The following MAP2K6 variants were observed in gnomAD, a reference collection of about 807,000 sequenced individuals.
The protein encoded by MAP2K6 is mitogen-activated protein kinase kinase 6.
In MAP2K6, 16 loss-of-function variants were observed where a neutral mutation model predicts 53.7. The observed-to-expected ratio is 0.30, with a 90% CI of 0.20 to 0.45. The LOEUF (loss-of-function observed/expected upper bound fraction) is 0.45. Ranked by LOEUF, MAP2K6 falls within the 20% of genes least tolerant of loss-of-function variation. MAP2K6 has a pLI of 1.00. For missense variants in MAP2K6, 204 were observed against 411.9 expected, an observed-to-expected ratio of 0.50 and a Z score of 4.37; for synonymous variants, 132 against 143.1, an observed-to-expected ratio of 0.92 and a Z score of 0.55.
At position 69,543,749 on chromosome 17, in the gene MAP2K6, C is replaced by T. The variant is rs769275441; in HGVS notation, c.*1996C>T. ...GCAAATTGTCTCTCTGGTCTAGGTC[C>T]GATTACTCTTACCTGTTTTTCCACT... On this transcript the variant is annotated 3_prime_UTR_variant, in exon 12 of 12. Coordinates refer to ENST00000590474, the MANE Select transcript of MAP2K6 (RefSeq NM_002758.4). 1.7e-4 allele frequency: 26 copies of T among 152,256 alleles called. No individual in the cohort carries two copies. The highest frequency in any genetic ancestry group is 2.1e-4 in the South Asian group (1 of 4,818). 9.4% of individuals were successfully genotyped at this position (152,256 alleles called of 1,614,324 possible).
At chr17:69,532,209 G>A (rs187385878) in intron 10 of MAP2K6, among the ~76,000 whole-genome samples, 1 of 152,332 alleles carries the variant, frequency 6.6e-6, no homozygotes, top group Non-Finnish European at 1.5e-5. Context: ...AGGAAGGACA[G>A]TAAAAAGAGG....
At chr17:69,416,139 T>C (rs559943717) in intron 1 of MAP2K6, among the ~76,000 whole-genome samples, 1 of 152,336 alleles carries the variant, frequency 6.6e-6, no homozygotes, top group South Asian at 2.1e-4. Flanking sequence ...CGGGGCACTC[T>C]TTGAGTAAGA....
At chr17:69,474,238 A>G (rs1908067155) in intron 1 of MAP2K6, among the ~76,000 whole-genome samples, 1 of 152,196 alleles carries the variant, frequency 6.6e-6, no homozygotes, top group Non-Finnish European at 1.5e-5. Context: ...GGCATGTACA[A>G]AGTGCTGAGT....
rs186505849 is a variant in MAP2K6, at chr17:69,430,087, G to T, written c.16+15087G>T. 3.6e-3 allele frequency among the ~76,000 whole-genome samples: 554 copies of T among 152,332 alleles called. 2 individuals are homozygous for T. The highest frequency in any genetic ancestry group is 0.012 in the African/African-American group (513 of 41,576). ...CATGCCTGTAATCCCAGCACTTTGG[G>T]AGGCTGAGGTGGGTGAGTCACTTGA... On this transcript the variant is annotated intron_variant, in intron 1 of 11. Transcript: ENST00000590474.
chr17:69,538,090 G>A (rs1212967118), intron 11 of MAP2K6, among the ~76,000 whole-genome samples: 1 of 151,660 alleles, frequency 6.6e-6, no homozygotes, highest in East Asian at 1.9e-4. Context: ...GGCTGGTCTC[G>A]AAGTCGTGGG....
At chr17:69,500,065 A>C (rs1232801867) in intron 1 of MAP2K6, among the ~76,000 whole-genome samples, 2 of 152,204 alleles carry the variant, frequency 1.3e-5, no homozygotes, top group Admixed American at 1.3e-4. Flanking sequence ...TCCAGGTAGA[A>C]GGAACAGTAT....
intron 1 of MAP2K6, among the ~76,000 whole-genome samples, chr17:69,431,773 C>T (rs1906468711): frequency 6.6e-6 from 1 of 152,192 alleles, no homozygotes; most frequent in Non-Finnish European, 1.5e-5. Flanking sequence ...GCTCACTCAT[C>T]AATCAACATG....
intron 2 of MAP2K6, among the ~76,000 whole-genome samples, chr17:69,506,415 T>A (rs1033026601): frequency 2.4e-4 from 36 of 152,050 alleles, no homozygotes; most frequent in African/African-American, 8.2e-4. Flanking sequence ...CTTGTTTTTT[T>A]TTTTTTTATT....
intron 1 of MAP2K6, among the ~76,000 whole-genome samples, chr17:69,467,150 T>C (rs749348680): frequency 6.6e-6 from 1 of 152,234 alleles, no homozygotes; most frequent in Admixed American, 6.5e-5. Flanking sequence ...TTCCACTAAT[T>C]ATTTCTTCAT....
At chr17:69,488,484 A>G (rs1174701250) in intron 1 of MAP2K6, among the ~76,000 whole-genome samples, 1 of 152,238 alleles carries the variant, frequency 6.6e-6, no homozygotes, top group African/African-American at 2.4e-5. Flanking sequence ...TGTTCCTTGC[A>G]GCACTATTCA....
At position 69,551,613 on chromosome 17, in the gene MAP2K6, TTTGA is replaced by T. The variant is rs1912103740; in HGVS notation, c.*9863_*9866del. The T allele has an allele frequency of 6.6e-6, 1 of 152,174 alleles. No homozygotes were observed. The highest frequency in any genetic ancestry group is 1.5e-5 in the Non-Finnish European group (1 of 68,024). 9.4% of individuals were successfully genotyped at this position (152,174 alleles called of 1,614,324 possible). A position where few individuals can be genotyped will look rare whatever the true frequency, so the allele number is the denominator to read the frequency against. On this transcript the variant is annotated 3_prime_UTR_variant, in exon 12 of 12. Coordinates refer to ENST00000590474, the MANE Select transcript of MAP2K6 (RefSeq NM_002758.4). ...TCTGCATAAAAGCCACTTGAGGAGG[TTTGA>T]TTAAGAAAATTGTGTTTATCTCCTG...
intron 1 of MAP2K6, among the ~76,000 whole-genome samples, chr17:69,489,687 A>G (rs918272219): frequency 6.6e-6 from 1 of 152,248 alleles, no homozygotes; most frequent in Admixed American, 6.5e-5. Context: ...ACCAAACTAC[A>G]GTACTTTGAA....
intron 10 of MAP2K6, among the ~76,000 whole-genome samples, chr17:69,526,991 G>A (rs914480639): frequency 3.3e-5 from 5 of 152,160 alleles, no homozygotes; most frequent in Non-Finnish European, 7.3e-5. Context: ...TCAGAGGGAA[G>A]ACCTCAGGAT....
At chr17:69,458,960 G>A (rs1262667035) in intron 1 of MAP2K6, among the ~76,000 whole-genome samples, 2 of 152,076 alleles carry the variant, frequency 1.3e-5, no homozygotes, top group African/African-American at 4.8e-5. Flanking sequence ...ACCTCTTAGA[G>A]GTTGGCAACC....
intron 1 of MAP2K6, 76 bp from the exon 2 acceptor site, chr17:69,505,703 TC>T: frequency 8.5e-7 from 1 of 1,178,684 alleles, no homozygotes; most frequent in Non-Finnish European, 1.3e-6. Flanking sequence ...GTCAGCTCTT[TC>T]CTTTGCCGCA....
intron 1 of MAP2K6, chr17:69,502,029 T>G (rs767699133): frequency 5.1e-6 from 2 of 392,982 alleles, no homozygotes; most frequent in African/African-American, 2.2e-5. Flanking sequence ...GACCACATAT[T>G]GTTTTTCTTT....
At chr17:69,482,156 TG>T (rs1390815239) in intron 1 of MAP2K6, among the ~76,000 whole-genome samples, 3 of 152,134 alleles carry the variant, frequency 2.0e-5, no homozygotes, top group Non-Finnish European at 4.4e-5. Flanking sequence ...TTCAAGTTTC[TG>T]GTTAGCATCA....
chr17:69,471,535 G>T (rs929275748), intron 1 of MAP2K6, among the ~76,000 whole-genome samples: 2 of 152,180 alleles, frequency 1.3e-5, no homozygotes, highest in Non-Finnish European at 2.9e-5. Flanking sequence ...TGGAAAGTGG[G>T]TAAGGATTAA....
chr17:69,467,162 C>T (rs1443926860), intron 1 of MAP2K6, among the ~76,000 whole-genome samples: 1 of 152,144 alleles, frequency 6.6e-6, no homozygotes, highest in Non-Finnish European at 1.5e-5. Flanking sequence ...TTTCTTCATA[C>T]CTGCATCCTA....
Sources: allele counts gnomAD v4.1 joint callset (sites outside exome capture counted in the v4.1 genomes callset), GRCh38; gene constraint gnomAD v4.1.1; transcripts MANE v1.5; gene names NCBI Gene and HGNC (gene_info 2026-07-23, HGNC 2026-07-21).